The following SLC12A3 variants were observed in gnomAD, a reference collection of about 807,000 sequenced individuals.
SLC12A3 encodes solute carrier family 12 member 3, also known as Na-Cl cotransporter.
A neutral mutation model predicts 121.0 loss-of-function variants in SLC12A3; 104 were observed. The ratio of observed to expected loss-of-function variants is 0.86; its 90% confidence interval spans 0.73 to 1.01. The LOEUF is 1.01. Ranked by LOEUF, SLC12A3 falls within the 50% of genes least tolerant of loss-of-function variation. The probability of loss-of-function intolerance (pLI) is 0.00; values close to 1 mark genes in which losing one functional copy is unlikely to be tolerated. For missense variants in SLC12A3, 1,328 were observed against 1,356.3 expected (o/e 0.98, Z 0.33); for synonymous variants, 536 against 533.4 (o/e 1.00, Z -0.07).
At chr16:56,871,384 T>C (rs1807679165) in intron 6 of SLC12A3, among the ~76,000 whole-genome samples, 1 of 152,234 alleles carries the variant, frequency 6.6e-6, no homozygotes, top group Admixed American at 6.5e-5. Context: ...TCACTATCGC[T>C]GTCACACATG....
rs3816118 is a variant in SLC12A3, at chr16:56,904,377, C to A, written c.2857-18C>A. On this transcript the variant is annotated intron_variant, in intron 24 of 25. Transcript: ENST00000563236. ...CTCGATGATATGGGAAGTGACCACT[C>A]GGCTTTCTCCCGCCCAGTCCCTTCG... 4.8e-5 allele frequency: 77 copies of A among 1,613,320 alleles called. 1 individual carries two copies. The South Asian group carries it at 7.8e-4, about 16-fold the overall frequency.
chr16:56,886,555 C>A, intron 16 of SLC12A3, 80 bp downstream of exon 16: 2 of 1,272,858 alleles, frequency 1.6e-6, no homozygotes, highest in Non-Finnish European at 2.3e-6. Context: ...GGAGCCAAGA[C>A]AGGTGGATCA....
chr16:56,889,618 T>C, intron 18 of SLC12A3, among the ~76,000 whole-genome samples: 1 of 152,122 alleles, frequency 6.6e-6, no homozygotes, highest in South Asian at 2.1e-4. Context: ...TGATTACAGG[T>C]GCCCACCACC....
intron 6 of SLC12A3, among the ~76,000 whole-genome samples, chr16:56,871,473 C>T (rs372044968): frequency 1.3e-5 from 2 of 152,244 alleles, no homozygotes; most frequent in East Asian, 3.9e-4. Context: ...ACAGGCCCTA[C>T]AGGCAGGGCA....
Position 56,890,303 on chromosome 16 carries a change from G to A in SLC12A3, c.2315G>A (p.Cys772Tyr), listed in dbSNP as rs1427972319. The change falls in exon 19 of 26, where the codon TGT (cysteine) becomes TAT (tyrosine). Residue 772 changes from cysteine to tyrosine, a missense_variant. Transcript: ENST00000563236. ...HDAFDFNYGVCVMRMREGLNV... is the reference protein window; with the variant it reads ...HDAFDFNYGVYVMRMREGLNV... ...GCCTTTGATTTCAACTATGGCGTGTGTGTCATGAGGATGCGGGAGGGACTC... is the reference window on the plus strand; with the variant it reads ...GCCTTTGATTTCAACTATGGCGTGTATGTCATGAGGATGCGGGAGGGACTC... 1 of 1,614,198 alleles carries A rather than the reference G, an allele frequency of 6.2e-7. No individual in the cohort carries two copies.
At position 56,870,243 on chromosome 16, in the gene SLC12A3, C is replaced by T. The variant is rs200257610; in HGVS notation, c.741+8C>T. The T allele has an allele frequency of 2.5e-4, 406 of 1,611,986 alleles. 1 individual carries two copies. Among genetic ancestry groups the T allele is most frequent in the Non-Finnish European group, 3.2e-4 (378 of 1,179,832 alleles). On this transcript the variant is annotated splice_region_variant and intron_variant, in intron 5 of 25. Transcript: ENST00000563236. The stretch of plus-strand genomic sequence containing the variant: ...GTGCGGGACCTGCTCCAGGTGAGGC[C>T]GGGGGGCTGGACCCTGGGTAGAGGG...
At chr16:56,878,380 C>T (rs1398591007) in intron 9 of SLC12A3, among the ~76,000 whole-genome samples, 2 of 151,996 alleles carry the variant, frequency 1.3e-5, no homozygotes, top group African/African-American at 2.4e-5. Flanking sequence ...TGGCAGTGGG[C>T]GTGGTGGGGT....
chr16:56,898,039 C>A (rs2055488701), intron 22 of SLC12A3, among the ~76,000 whole-genome samples: 1 of 152,218 alleles, frequency 6.6e-6, no homozygotes, highest in Non-Finnish European at 1.5e-5. Context: ...CCAGCCAGCT[C>A]CTCACTGCCC....
Position 56,913,363 on chromosome 16 carries a change from C to T in SLC12A3, c.3024C>T (p.Ile1008=), listed in dbSNP as rs2289113. Residue 1008 remains isoleucine (I), a synonymous_variant, in exon 26 of 26, where the codon ATC becomes ATT. Coordinates refer to ENST00000563236, the MANE Select transcript of SLC12A3 (RefSeq NM_001126108.2). ...ACCTCAGACCTCCAGTCATCCTGAT[C>T]CGAGGAAACCAGGAAAACGTGCTCA... ...SQDLRPPVIL[I]RGNQENVLTF... is the part of the protein sequence containing the mutation. 7,225 of 1,614,130 alleles carry T rather than the reference C, an allele frequency of 4.5e-3. 126 individuals carry two copies. The highest frequency in any genetic ancestry group is 0.044 in the East Asian group (1,965 of 44,886).
rs1464587630 is a variant in SLC12A3, at chr16:56,872,255, T to C, written c.853-96T>C. On this transcript the variant is annotated intron_variant, in intron 6 of 25. Transcript: ENST00000563236. ...GTTGAATGAATGAGTGAGTGAATAA[T>C]GGAGAAACGGGCCCTGGGCAAATCA... is the stretch of plus-strand genomic sequence containing the variant. 3 of 809,980 alleles carry C rather than the reference T, an allele frequency of 3.7e-6. No individual in the cohort carries two copies. The African/African-American group carries it at 5.0e-5, about 14-fold the overall frequency. The allele number at this position is 809,980 out of a possible 1,614,324, so 50.2% of individuals were successfully genotyped here.
rs931373348 is a variant in SLC12A3, at chr16:56,886,981, T to G, written c.2066T>G (p.Leu689Arg). 23 of 1,613,598 alleles carry G rather than the reference T, an allele frequency of 1.4e-5. No individual in the cohort carries two copies. The highest frequency in any genetic ancestry group is 1.9e-5 in the Non-Finnish European group (22 of 1,179,956). The change falls in exon 17 of 26, where the codon CTC becomes CGC. Residue 689 changes from leucine (L) to arginine (R), a missense_variant. Transcript: ENST00000563236. ...IGPHKQRMPE[L>R]QLIANGHTKW... ...CCCCACAAGCAGAGGATGCCTGAGC[T>G]CCAGCTCATCGCCAACGGGCACACC...
At position 56,915,612 on chromosome 16, in the gene SLC12A3, G is replaced by C. The variant is rs918438175; in HGVS notation, c.*2207G>C. On this transcript the variant is annotated 3_prime_UTR_variant, in exon 26 of 26. Coordinates refer to ENST00000563236, the MANE Select transcript of SLC12A3 (RefSeq NM_001126108.2). ...CGAAATAAGGGGAAGCATCCATCAG[G>C]GAATGCTGGCCTTTCTAGAGCCACG... 2.0e-5 allele frequency: 3 copies of C among 152,204 alleles called. No homozygotes were observed. The highest frequency in any genetic ancestry group is 7.2e-5 in the African/African-American group (3 of 41,442). 9.4% of individuals were successfully genotyped at this position (152,204 alleles called of 1,614,324 possible). A position where few individuals can be genotyped will look rare whatever the true frequency, so the allele number is the denominator to read the frequency against.
chr16:56,876,203 C>G (rs1249125487), intron 8 of SLC12A3, among the ~76,000 whole-genome samples: 1 of 152,146 alleles, frequency 6.6e-6, no homozygotes. Flanking sequence ...TGGGTCCTTT[C>G]CTTGTAAGGA....
intron 22 of SLC12A3, among the ~76,000 whole-genome samples, chr16:56,897,733 G>T (rs1008195385): frequency 1.3e-4 from 20 of 152,330 alleles, no homozygotes; most frequent in African/African-American, 4.8e-4. Context: ...CTAACAGCAT[G>T]TCCTTGGTGG....
intron 8 of SLC12A3, among the ~76,000 whole-genome samples, chr16:56,874,422 A>T (rs532983894): frequency 1.3e-5 from 2 of 152,140 alleles, no homozygotes; most frequent in African/African-American, 4.8e-5. Flanking sequence ...CTAGCCCCAC[A>T]CTGGAAATCA....
intron 24 of SLC12A3, 21 bp downstream of exon 24, chr16:56,902,529 G>T: frequency 2.6e-6 from 3 of 1,159,530 alleles, no homozygotes; most frequent in South Asian, 1.2e-5. Context: ...GGGTGGGGGT[G>T]GGAAACGCGA....
At chr16:56,911,808 C>T (rs142498777) in intron 25 of SLC12A3, among the ~76,000 whole-genome samples, 176 of 152,338 alleles carry the variant, frequency 1.2e-3, no homozygotes, top group African/African-American at 3.9e-3. Context: ...GCTTTGCCGC[C>T]GCTGGCTTAG....
Position 56,870,675 on chromosome 16 carries a change from C to A in SLC12A3, c.791C>A (p.Ala264Asp), listed in dbSNP as rs1529927. The A allele has an allele frequency of 6.2e-7, 1 of 1,613,718 alleles. No homozygotes were observed. The highest frequency in any genetic ancestry group is 1.3e-5 in the African/African-American group (1 of 74,900). The part of the protein sequence containing the change: ...VDPINDIRII[A>D]VVSVTVLLAI... ...CCCATTAACGACATCCGCATCATTG[C>A]CGTGGTCTCGGTCACTGTGCTGCTG... The change falls in exon 6 of 26, where the codon GCC becomes GAC. Residue 264 changes from alanine (A) to aspartate (D), a missense_variant. Ala to Asp is a moderately radical substitution (Grantham distance 126). Transcript: ENST00000563236.
rs757644465 is a variant in SLC12A3 at position 56,915,109 on chromosome 16, G to A, written c.*1704G>A. 9 of 152,312 alleles carry A rather than the reference G, an allele frequency of 5.9e-5. No homozygotes were observed. Among genetic ancestry groups the A allele is most frequent in the Non-Finnish European group, 1.2e-4 (8 of 68,136 alleles). The allele number at this position is 152,312 out of a possible 1,614,324, so 9.4% of individuals were successfully genotyped here. A position where few individuals can be genotyped will look rare whatever the true frequency, so the allele number is the denominator to read the frequency against. On this transcript the variant is annotated 3_prime_UTR_variant, in exon 26 of 26. Coordinates refer to ENST00000563236, the MANE Select transcript of SLC12A3 (RefSeq NM_001126108.2). ...GCTAGGGTGCAAGAGCACTGCCATC[G>A]AATGCCAGTGGGTGAGGCCAAGTGA...
Sources: gnomAD v4.1 joint callset for allele counts (sites outside exome capture counted in the v4.1 genomes callset) on GRCh38, gnomAD v4.1.1 for gene constraint, MANE v1.5 for transcripts, NCBI Gene and HGNC (gene_info 2026-07-23, HGNC 2026-07-21) for gene names.